The following TSPAN15 variants were observed in gnomAD, a reference collection of about 807,000 sequenced individuals.
TSPAN15 encodes the protein tetraspanin-15.
A neutral mutation model predicts 34.5 loss-of-function variants in TSPAN15; 20 were observed. That is an observed-to-expected ratio of 0.58 (90% CI 0.41 to 0.84). The LOEUF is 0.84. Ranked by LOEUF, TSPAN15 falls within the 40% of genes least tolerant of loss-of-function variation. TSPAN15 has a pLI of 0.00. For synonymous variants in TSPAN15, 155 were observed against 153.9 expected, an observed-to-expected ratio of 1.01 and a Z score of -0.05; for missense variants, 313 against 386.1, an observed-to-expected ratio of 0.81 and a Z score of 1.59.
intron 1 of TSPAN15, among the ~76,000 whole-genome samples, chr10:69,463,445 A>T (rs953342537): frequency 3.3e-5 from 5 of 152,182 alleles, no homozygotes; most frequent in African/African-American, 1.2e-4. Flanking sequence ...CAGTTAGCAG[A>T]AGGATGAGGC....
chr10:69,481,468 C>T (rs1481252088), intron 1 of TSPAN15, among the ~76,000 whole-genome samples: 1 of 152,206 alleles, frequency 6.6e-6, no homozygotes, highest in Non-Finnish European at 1.5e-5. Flanking sequence ...GCTTATTTGA[C>T]TTTTGGCATC....
the TSPAN15 span, among the ~76,000 whole-genome samples, chr10:69,536,418 G>A: frequency 6.6e-6 from 1 of 152,212 alleles, no homozygotes; most frequent in Non-Finnish European, 1.5e-5. Flanking sequence ...AAGAAATGGT[G>A]CCTGTCCCCA....
the TSPAN15 span, among the ~76,000 whole-genome samples, chr10:69,548,954 C>T: frequency 1.5e-5 from 2 of 130,874 alleles, no homozygotes; most frequent in African/African-American, 5.0e-5. Context: ...GTGAAGGTTA[C>T]TGTAGTCCCA....
chr10:69,529,494 C>T, the TSPAN15 span, among the ~76,000 whole-genome samples: 1 of 147,890 alleles, frequency 6.8e-6, no homozygotes, highest in Non-Finnish European at 1.5e-5. Flanking sequence ...GATTTTACAG[C>T]TCTCTATACT....
chr10:69,455,559 CTTTCTTTCTT>C (rs1564595477), intron 1 of TSPAN15, among the ~76,000 whole-genome samples: 4,774 of 135,038 alleles, frequency 0.035, 268 homozygotes, highest in Non-Finnish European at 0.045. Flanking sequence ...CTCTCTCTCT[CTTTCTTTCTT>C]TCTCTTTTCT....
the TSPAN15 span, among the ~76,000 whole-genome samples, chr10:69,530,808 CTCTCTCTCTCTCTATATA>C: frequency 6.2e-4 from 43 of 69,090 alleles, no homozygotes; most frequent in Non-Finnish European, 7.9e-4. Flanking sequence ...CTCTCTCTCT[CTCTCTCTCTCTCTATATA>C]TATATATATA....
At chr10:69,488,470 C>CG (rs1435266031) in intron 3 of TSPAN15, among the ~76,000 whole-genome samples, 1 of 152,160 alleles carries the variant, frequency 6.6e-6, no homozygotes, top group African/African-American at 2.4e-5. Flanking sequence ...CCTGGTAACT[C>CG]TGAGTATCTA....
chr10:69,485,078 C>T (rs765112154), intron 2 of TSPAN15, 63 bp from the exon 3 acceptor site: 5 of 1,504,004 alleles, frequency 3.3e-6, no homozygotes, highest in Non-Finnish European at 3.7e-6. Context: ...GATGGTGCCT[C>T]CCCTGTACCC....
At chr10:69,518,775 A>G in the TSPAN15 span, among the ~76,000 whole-genome samples, 1 of 152,068 alleles carries the variant, frequency 6.6e-6, no homozygotes, top group Non-Finnish European at 1.5e-5. Flanking sequence ...ACAATGTGCA[A>G]CTCCTGTGGC....
chr10:69,475,529 A>G (rs1841597216), intron 1 of TSPAN15, among the ~76,000 whole-genome samples: 1 of 152,122 alleles, frequency 6.6e-6, no homozygotes, highest in Non-Finnish European at 1.5e-5. Flanking sequence ...AAAACAGCCC[A>G]GGGCATGCCA....
Position 69,506,953 on chromosome 10 carries a change from G to C in TSPAN15, c.860G>C (p.Gly287Ala). 6.2e-7 allele frequency: 1 copy of C among 1,609,546 alleles called. No homozygotes were observed. The highest frequency in any genetic ancestry group is 8.5e-7 in the Non-Finnish European group (1 of 1,178,676). Residue 287 changes from glycine (G) to alanine (A), a missense_variant, in exon 8 of 8, where the codon GGA becomes GCA. Coordinates refer to ENST00000373290, the MANE Select transcript of TSPAN15 (RefSeq NM_012339.5). The surrounding 1 kb of genome is among the most constrained non-coding windows in gnomAD (Gnocchi z 4.7). ...CCCAGCGTGGAGGCGGCAGGCACGG[G>C]ATGCTGCTTGTGCTACCCCAATTAG... ...AKPSVEAAGT[G>A]CCLCYPN
chr10:69,508,724 TTTA>T (rs1230841920), downstream of TSPAN15, among the ~76,000 whole-genome samples: 1 of 152,168 alleles, frequency 6.6e-6, no homozygotes, highest in East Asian at 1.9e-4. Flanking sequence ...TTATCTTCAT[TTTA>T]TTAGTGGGGA....
chr10:69,539,763 C>A, the TSPAN15 span, among the ~76,000 whole-genome samples: 1 of 152,092 alleles, frequency 6.6e-6, no homozygotes, highest in African/African-American at 2.4e-5. Flanking sequence ...TCCAGATTTA[C>A]CTCAAGACCA....
At chr10:69,487,550 G>A (rs1016968079) in intron 3 of TSPAN15, among the ~76,000 whole-genome samples, 2 of 152,174 alleles carry the variant, frequency 1.3e-5, no homozygotes, top group Non-Finnish European at 2.9e-5. Flanking sequence ...TCCAGGGTTA[G>A]CACTTTCCTG....
chr10:69,476,566 CA>C (rs34169685), intron 1 of TSPAN15, among the ~76,000 whole-genome samples: 5,215 of 97,218 alleles, frequency 0.054, 103 homozygotes, highest in Middle Eastern at 0.14. Context: ...CAAAGGGTCT[CA>C]AAAAAAAAAA....
chr10:69,451,640 T>G lies in TSPAN15; in HGVS notation c.46T>G (p.Ser16Ala). 1 of 1,545,596 alleles carries G rather than the reference T, an allele frequency of 6.5e-7. No homozygotes were observed. Among genetic ancestry groups the G allele is most frequent in the Non-Finnish European group, 8.7e-7 (1 of 1,144,466 alleles). Residue 16 changes from serine (S) to alanine (A), a missense_variant, in exon 1 of 8, where the codon TCC becomes GCC. Ser to Ala is a moderately conservative substitution (Grantham distance 99). Transcript: ENST00000373290. ...GCAGGTGCGCTACTGCGCGCGCTTC[T>G]CCTACCTCTGGCTCAAGTTTTCACT... is the stretch of plus-strand genomic sequence containing the variant. The part of the protein sequence containing the change: ...SEQVRYCARF[S>A]YLWLKFSLII...
chr10:69,544,356 C>G, the TSPAN15 span, among the ~76,000 whole-genome samples: 1 of 152,204 alleles, frequency 6.6e-6, no homozygotes, highest in Non-Finnish European at 1.5e-5. Flanking sequence ...TGTTGAACCT[C>G]AGGGAGCTGA....
chr10:69,461,328 C>T (rs774081360), intron 1 of TSPAN15, among the ~76,000 whole-genome samples: 4 of 152,320 alleles, frequency 2.6e-5, no homozygotes, highest in South Asian at 4.1e-4. Context: ...GGGACTTTCT[C>T]GCCAAGACAT....
At chr10:69,497,401 C>T (rs1842109279) in intron 4 of TSPAN15, among the ~76,000 whole-genome samples, 1 of 152,176 alleles carries the variant, frequency 6.6e-6, no homozygotes, top group Admixed American at 6.5e-5. Context: ...GCTTGTTGGC[C>T]TCCGCACCTG....
Sources: gnomAD v4.1 joint callset for allele counts (sites outside exome capture counted in the v4.1 genomes callset) on GRCh38, gnomAD v4.1.1 for gene constraint, Gnocchi (gnomAD v3.1) non-coding constraint, MANE v1.5 for transcripts, NCBI Gene and HGNC (gene_info 2026-07-23, HGNC 2026-07-21) for gene names.